The following THADA variants were observed in gnomAD, a reference collection of about 807,000 sequenced individuals.
THADA encodes tRNA (32-2'-O)-methyltransferase regulator THADA.
A neutral mutation model predicts 219.8 loss-of-function variants in THADA; 213 were observed. The observed-to-expected ratio is 0.97, with a 90% CI of 0.87 to 1.09. The LOEUF (loss-of-function observed/expected upper bound fraction) is 1.09. Ranked by LOEUF, THADA falls within the 50% of genes least tolerant of loss-of-function variation. THADA has a pLI of 0.00. For missense variants in THADA, 2,956 were observed against 2,311.3 expected (o/e 1.28, Z -5.72); for synonymous variants, 1,018 against 828.9 (o/e 1.23, Z -3.92).
intron 28 of THADA, among the ~76,000 whole-genome samples, chr2:43,421,343 G>C (rs1215894142): frequency 1.3e-5 from 2 of 152,132 alleles, no homozygotes; most frequent in African/African-American, 2.4e-5. Flanking sequence ...GGAAGGGTGG[G>C]GGCATACTCC....
chr2:43,595,859 C>T (rs1214373040), intron 1 of THADA, 72 bp downstream of exon 1: 3 of 152,210 alleles, frequency 2.0e-5, no homozygotes, highest in African/African-American at 7.2e-5. Context: ...TGTGGCTCGC[C>T]AGGCAGCCCT....
At chr2:43,353,513 G>C (rs987873224) in intron 29 of THADA, among the ~76,000 whole-genome samples, 1 of 152,118 alleles carries the variant, frequency 6.6e-6, no homozygotes, top group Non-Finnish European at 1.5e-5. Context: ...GGGTATTCAA[G>C]TTCGTTGCCC....
chr2:43,466,148 T>C (rs1430686312), intron 26 of THADA, among the ~76,000 whole-genome samples: 4 of 152,248 alleles, frequency 2.6e-5, no homozygotes, highest in South Asian at 2.1e-4. Context: ...TCCCAAAGTG[T>C]GTCCTATAAA....
chr2:43,490,470 T>C (rs1356474754), intron 25 of THADA, among the ~76,000 whole-genome samples: 3 of 152,196 alleles, frequency 2.0e-5, no homozygotes, highest in African/African-American at 7.2e-5. Flanking sequence ...GACTCTGGAT[T>C]TTCCACTGAG....
chr2:43,426,634 G>A (rs1678465370), intron 28 of THADA, among the ~76,000 whole-genome samples: 1 of 152,290 alleles, frequency 6.6e-6, no homozygotes, highest in Non-Finnish European at 1.5e-5. Context: ...CACAGCCACA[G>A]CCAAGGCTTG....
chr2:43,297,988 G>C (rs1346165070), intron 31 of THADA, among the ~76,000 whole-genome samples: 1 of 624 alleles, frequency 1.6e-3, no homozygotes, highest in Non-Finnish European at 6.5e-3. Context: ...CGCCCCGTCC[G>C]GGAGGGAGTG....
chr2:43,588,352 G>C (rs1464800273), intron 4 of THADA, among the ~76,000 whole-genome samples: 1 of 148,798 alleles, frequency 6.7e-6, no homozygotes, highest in Non-Finnish European at 1.5e-5. Context: ...TTGTATTACA[G>C]AAAGCACATA....
chr2:43,286,232 G>A (rs1184837242), intron 35 of THADA, among the ~76,000 whole-genome samples: 1 of 152,176 alleles, frequency 6.6e-6, no homozygotes, highest in Non-Finnish European at 1.5e-5. Flanking sequence ...GTTAGGGAGT[G>A]GTGGATGATA....
intron 26 of THADA, among the ~76,000 whole-genome samples, chr2:43,480,826 A>G (rs952950189): frequency 4.0e-4 from 55 of 136,560 alleles, no homozygotes; most frequent in South Asian, 1.2e-3. Context: ...TTGGGGGGGA[A>G]AAAAAAAAAA....
intron 16 of THADA, among the ~76,000 whole-genome samples, chr2:43,559,482 C>G (rs1558971376): frequency 6.6e-6 from 1 of 152,278 alleles, no homozygotes; most frequent in East Asian, 1.9e-4. Context: ...CAGCAGAAAC[C>G]CTCGGCCTTT....
intron 31 of THADA, among the ~76,000 whole-genome samples, chr2:43,296,867 G>C (rs1052283872): frequency 6.9e-6 from 1 of 145,042 alleles, no homozygotes; most frequent in Non-Finnish European, 1.5e-5. Flanking sequence ...GCGGCTGGAG[G>C]AGCGGACGGG....
rs77747848 is a variant in THADA, at chr2:43,364,350, C to T, written c.4228-20113G>A. Reference sequence around the variant, plus strand: ...CTAACTCAAATGTATTACTCTAAAACGATTTTTCAACCCCAGCACTACTAA... The same window carrying T: ...CTAACTCAAATGTATTACTCTAAAATGATTTTTCAACCCCAGCACTACTAA... On this transcript the variant is annotated intron_variant, in intron 29 of 37. Coordinates refer to ENST00000405975, the MANE Select transcript of THADA (RefSeq NM_022065.5). Among the ~76,000 whole-genome samples, 27 of 152,310 alleles carry T rather than the reference C, an allele frequency of 1.8e-4. 1 individual carries two copies. The highest frequency in any genetic ancestry group is 6.0e-4 in the African/African-American group (25 of 41,574).
In THADA at chr2:43,286,982, T is replaced by C. The variant is rs1224818565; in HGVS notation, c.5090A>G (p.Glu1697Gly). 6.2e-7 allele frequency: 1 copy of C among 1,613,888 alleles called. No homozygotes were observed. The highest frequency in any genetic ancestry group is 8.5e-7 in the Non-Finnish European group (1 of 1,179,912). The part of the protein sequence containing the change: ...ILSCEDHLPT[E>G]SRLAVVEVLT... ...GACTTCAACGACGGCCAGCCTAGAC[T>C]CTGTAGGAAGATGGTCTTCACATGA... is the stretch of plus-strand genomic sequence containing the variant. Residue 1697 changes from glutamate (E) to glycine (G), a missense_variant, in exon 35 of 38, where the codon GAG becomes GGG. By Grantham distance (98) the Glu-to-Gly change is moderately conservative. Coordinates refer to ENST00000405975, the MANE Select transcript of THADA (RefSeq NM_022065.5).
chr2:43,391,696 A>C (rs1007014749), intron 29 of THADA: 1 of 152,114 alleles, frequency 6.6e-6, no homozygotes, highest in East Asian at 1.9e-4. Context: ...GATAAAACCA[A>C]CGATGCTGCT....
intron 25 of THADA, among the ~76,000 whole-genome samples, chr2:43,487,761 C>T (rs1687089972): frequency 1.3e-5 from 2 of 152,284 alleles, no homozygotes; most frequent in East Asian, 3.9e-4. Context: ...CTAAAAGGTG[C>T]TATCTATGAA....
intron 26 of THADA, among the ~76,000 whole-genome samples, chr2:43,437,257 G>C (rs980944398): frequency 6.6e-6 from 1 of 152,168 alleles, no homozygotes; most frequent in African/African-American, 2.4e-5. Context: ...CAATCTACAG[G>C]TTAAGATAAG....
At chr2:43,590,800 A>C (rs769123283) in intron 4 of THADA, 24 bp downstream of exon 4, 6 of 1,604,896 alleles carry the variant, frequency 3.7e-6, no homozygotes, top group Non-Finnish European at 4.2e-6. Flanking sequence ...TATAACACCC[A>C]ACTTCCCTTC....
chr2:43,257,484 C>T (rs938604165), intron 36 of THADA, among the ~76,000 whole-genome samples: 4 of 152,202 alleles, frequency 2.6e-5, no homozygotes, highest in Non-Finnish European at 4.4e-5. Flanking sequence ...AGGAGGCTTC[C>T]GAGTCTCCTT....
chr2:43,244,399 AG>A (rs945302368), intron 36 of THADA, among the ~76,000 whole-genome samples: 3 of 152,240 alleles, frequency 2.0e-5, no homozygotes, highest in African/African-American at 7.2e-5. Flanking sequence ...GTGGTTCTCC[AG>A]GGGGCTTACA....
Sources: allele counts gnomAD v4.1 joint callset (sites outside exome capture counted in the v4.1 genomes callset), GRCh38; gene constraint gnomAD v4.1.1; transcripts MANE v1.5; gene names NCBI Gene and HGNC (gene_info 2026-07-23, HGNC 2026-07-21).